The following CD58 variants were observed in gnomAD, a reference collection of about 807,000 sequenced individuals.
CD58 encodes the protein lymphocyte function-associated antigen 3.
Under a neutral mutation model 27.6 loss-of-function variants are expected in CD58, and 14 were observed. The ratio of observed to expected loss-of-function variants is 0.51; its 90% CI spans 0.34 to 0.79. The LOEUF (loss-of-function observed/expected upper bound fraction) is 0.79. CD58 is among the 30% of genes least tolerant of loss of function. The pLI is 0.02. For synonymous variants in CD58, 117 were observed against 103.8 expected (o/e 1.13, Z -0.77); for missense variants, 268 against 301.7 (o/e 0.89, Z 0.83).
chr1:116,569,452 T>G (rs948585920), intron 1 of CD58, among the ~76,000 whole-genome samples: 1 of 152,126 alleles, frequency 6.6e-6, no homozygotes, highest in Non-Finnish European at 1.5e-5. Flanking sequence ...CAGCAATCTT[T>G]TCCCACATTA....
chr1:116,551,729 TC>T (rs1658400225), intron 1 of CD58, among the ~76,000 whole-genome samples: 8 of 149,772 alleles, frequency 5.3e-5, no homozygotes, highest in African/African-American at 2.0e-4. Context: ...TTTTTTTTTT[TC>T]TTTCTTTCTT....
At chr1:116,561,174 A>C (rs1658738111) in intron 1 of CD58, among the ~76,000 whole-genome samples, 1 of 152,250 alleles carries the variant, frequency 6.6e-6, no homozygotes, top group Non-Finnish European at 1.5e-5. Context: ...AATAAAATAA[A>C]TTATTCAAAT....
rs1002568351 is a variant in CD58, at chr1:116,538,956, A to C, written c.365-2728T>G. ...GTGTTTAGCATGGACTCAGAAGCCC[A>C]GCTGCCTGAGTGCATATCCCAGCTT... On this transcript the variant is annotated intron_variant, in intron 2 of 5. Transcript: ENST00000369489. The surrounding 1 kb of genome is among the most constrained non-coding windows in gnomAD (Gnocchi z 4.7). 1.3e-5 allele frequency among the ~76,000 whole-genome samples: 2 copies of C among 152,238 alleles called. No individual in the cohort carries two copies. Among genetic ancestry groups the C allele is most frequent in the Admixed American group, 6.5e-5 (1 of 15,284 alleles).
chr1:116,544,534 G>T lies in CD58; in HGVS notation c.141C>A (p.Ser47Arg). 6.2e-7 allele frequency: 1 copy of T among 1,613,024 alleles called. No homozygotes were observed. Among genetic ancestry groups the T allele is most frequent in the Non-Finnish European group, 8.5e-7 (1 of 1,179,146 alleles). The change falls in exon 2 of 6, where the codon AGC becomes AGA. Residue 47 changes from serine to arginine, a missense_variant. By Grantham distance (110) the Ser-to-Arg change is moderately radical. Coordinates refer to ENST00000369489, the MANE Select transcript of CD58 (RefSeq NM_001779.3). ...VYGNVTFHVP[S>R]NVPLKEVLWK... ...ATAGGACCTCTTTTAAAGGCACATT[G>T]CTTGGTACATGGAAAGTTACATTCC...
In CD58 at chr1:116,528,794, G is replaced by A. The variant is rs1217913236; in HGVS notation, c.629-6811C>T. Among the ~76,000 whole-genome samples, 3 of 152,124 alleles carry A rather than the reference G, an allele frequency of 2.0e-5. No homozygotes were observed. The highest frequency in any genetic ancestry group is 7.2e-5 in the African/African-American group (3 of 41,412). On this transcript the variant is annotated intron_variant, in intron 3 of 5. Transcript: ENST00000369489. This position sits in a 1 kb window ranked among gnomAD's most constrained non-coding sequence, Gnocchi z 4.4. ...TCTTTCACAGCCAAATATATAACTG[G>A]CCTATTGGACTACCCCTCTTCTTAC... is the stretch of plus-strand genomic sequence containing the variant.
In CD58 at chr1:116,564,941, A is replaced by C. The variant is rs1345364638; in HGVS notation, c.70+5962T>G. ...AAGTTCATACTTTTGAGTTCTTGCT[A>C]CTTGCCCAGCACTATCCAGGCCCTA... On this transcript the variant is annotated intron_variant, in intron 1 of 5. Coordinates refer to ENST00000369489, the MANE Select transcript of CD58 (RefSeq NM_001779.3). Among the ~76,000 whole-genome samples the C allele has an allele frequency of 2.6e-5, 4 of 152,116 alleles. No individual in the cohort carries two copies. The East Asian group carries it at 7.7e-4, about 29-fold the overall frequency.
chr1:116,519,314 A>T lies in CD58; in HGVS notation c.707-47T>A. Reference sequence around the variant, plus strand: ...TCTCAATTAAAGAACTGAAAAGAAAAGGTGAAATGTGGAGTTACTGACTGC... The same window carrying T: ...TCTCAATTAAAGAACTGAAAAGAAATGGTGAAATGTGGAGTTACTGACTGC... On this transcript the variant is annotated intron_variant, in intron 4 of 5. Transcript: ENST00000369489. This position sits in a 1 kb window ranked among gnomAD's most constrained non-coding sequence, Gnocchi z 4.7. 6.4e-7 allele frequency: 1 copy of T among 1,571,302 alleles called. No homozygotes were observed. The highest frequency in any genetic ancestry group is 8.7e-7 in the Non-Finnish European group (1 of 1,147,950).
chr1:116,550,503 T>C lies in CD58; in HGVS notation c.71-5899A>G, dbSNP rs1344483430. Among the ~76,000 whole-genome samples, 1 of 152,168 alleles carries C rather than the reference T, an allele frequency of 6.6e-6. No individual in the cohort carries two copies. Among genetic ancestry groups the C allele is most frequent in the African/African-American group, 2.4e-5 (1 of 41,438 alleles). ...AGATTGTGGCAACTGAGTGACATAT[T>C]CAGGCTCCACTTCTATTTTTCTTGC... On this transcript the variant is annotated intron_variant, in intron 1 of 5. Coordinates refer to ENST00000369489, the MANE Select transcript of CD58 (RefSeq NM_001779.3). The surrounding 1 kb of genome is among the most constrained non-coding windows in gnomAD (Gnocchi z 4.2).
At chr1:116,525,159 T>C (rs1657388989) in intron 3 of CD58, among the ~76,000 whole-genome samples, 1 of 152,262 alleles carries the variant, frequency 6.6e-6, no homozygotes, top group African/African-American at 2.4e-5. Context: ...TACAGTATCA[T>C]ACAGAGTATT....
In CD58 at chr1:116,546,829, G is replaced by T. The variant is rs1259742126; in HGVS notation, c.71-2225C>A. Among the ~76,000 whole-genome samples the T allele has an allele frequency of 1.3e-5, 2 of 152,064 alleles. No homozygotes were observed. Among genetic ancestry groups the T allele is most frequent in the Admixed American group, 1.3e-4 (2 of 15,250 alleles). ...GAACAACATGGGTTTGAGCTGTGTG[G>T]GTCCACTTACATGTGGATTTTCTTC... On this transcript the variant is annotated intron_variant, in intron 1 of 5. Transcript: ENST00000369489. This position sits in a 1 kb window ranked among gnomAD's most constrained non-coding sequence, Gnocchi z 4.1.
chr1:116,521,728 T>C lies in CD58; in HGVS notation c.706+178A>G. ...AAGGATTCATTCTACCTTGAGATAA[T>C]GTGGATCTTTGGAGGAACCTAGCAT... On this transcript the variant is annotated intron_variant, in intron 4 of 5. Transcript: ENST00000369489. This position sits in a 1 kb window ranked among gnomAD's most constrained non-coding sequence, Gnocchi z 5.6. The C allele has an allele frequency of 5.5e-6, 3 of 541,118 alleles. No homozygotes were observed. The highest frequency in any genetic ancestry group is 1.0e-5 in the Non-Finnish European group (3 of 292,650). 33.5% of individuals were successfully genotyped at this position (541,118 alleles called of 1,614,324 possible).
intron 3 of CD58, chr1:116,533,709 A>C (rs1473254654): frequency 1.6e-5 from 11 of 687,738 alleles, no homozygotes; most frequent in Non-Finnish European, 3.0e-5. Flanking sequence ...CCTCCTCTTC[A>C]TTTTCACGGT....
At chr1:116,549,875 G>T (rs1183217965) in intron 1 of CD58, among the ~76,000 whole-genome samples, 1 of 152,168 alleles carries the variant, frequency 6.6e-6, no homozygotes, top group Non-Finnish European at 1.5e-5. Context: ...CAGCAATCAT[G>T]TAAATATCAG....
At chr1:116,542,767 A>G (rs1170589112) in intron 2 of CD58, among the ~76,000 whole-genome samples, 1 of 152,194 alleles carries the variant, frequency 6.6e-6, no homozygotes, top group African/African-American at 2.4e-5. Context: ...TTCAGGTGAG[A>G]ACTCAGAAAG....
intron 2 of CD58, among the ~76,000 whole-genome samples, chr1:116,542,233 G>A (rs975860660): frequency 6.6e-6 from 1 of 152,156 alleles, no homozygotes; most frequent in Admixed American, 6.5e-5. Context: ...AGCTGAGATC[G>A]CGCCATTGCA....
rs561601678 is a variant in CD58, at chr1:116,526,148, G to T, written c.629-4165C>A. 7.2e-5 allele frequency among the ~76,000 whole-genome samples: 11 copies of T among 152,114 alleles called. No individual in the cohort carries two copies. The South Asian group carries it at 2.3e-3, about 32-fold the overall frequency. Reference sequence around the variant, plus strand: ...ATATTTTCTCCCAGTCTGTGGCTTGGCTTCTCATTCTCTTGAAATTGTCTT... The same window carrying T: ...ATATTTTCTCCCAGTCTGTGGCTTGTCTTCTCATTCTCTTGAAATTGTCTT... On this transcript the variant is annotated intron_variant, in intron 3 of 5. Coordinates refer to ENST00000369489, the MANE Select transcript of CD58 (RefSeq NM_001779.3).
chr1:116,542,411 C>A (rs2101186675), intron 2 of CD58, among the ~76,000 whole-genome samples: 1 of 152,242 alleles, frequency 6.6e-6, no homozygotes, highest in South Asian at 2.1e-4. Context: ...TGAGAATGAA[C>A]CACTGGATTT....
At chr1:116,535,272 T>C (rs1162000029) in intron 3 of CD58, among the ~76,000 whole-genome samples, 2 of 152,192 alleles carry the variant, frequency 1.3e-5, no homozygotes, top group African/African-American at 4.8e-5. Context: ...AAAGCAGCAT[T>C]GTGAATAGTT....
intron 1 of CD58, among the ~76,000 whole-genome samples, chr1:116,569,598 C>CTTTTT (rs35150803): frequency 1.8e-5 from 2 of 110,940 alleles, no homozygotes; most frequent in African/African-American, 3.7e-5. Flanking sequence ...CACAGCTCAC[C>CTTTTT]TTTTTTTTTT....
Sources: allele counts gnomAD v4.1 joint callset (sites outside exome capture counted in the v4.1 genomes callset), GRCh38; gene constraint gnomAD v4.1.1; non-coding constraint Gnocchi (gnomAD v3.1); transcripts MANE v1.5; gene names NCBI Gene and HGNC (gene_info 2026-07-23, HGNC 2026-07-21).